Variants in TRPM2 observed in about 807,000 individuals in gnomAD.
The protein encoded by TRPM2 is estrogen-responsive element-associated gene 1 protein.
Under a neutral mutation model 174.0 loss-of-function variants are expected in TRPM2, and 161 were observed. That is an observed-to-expected ratio of 0.93 (90% confidence interval 0.81 to 1.05). TRPM2 has a LOEUF of 1.05. Ranked by LOEUF, TRPM2 falls within the 50% of genes least tolerant of loss-of-function variation. The pLI is 0.00. For missense variants in TRPM2, 2,057 were observed against 2,038.0 expected (o/e 1.01, Z -0.18); for synonymous variants, 954 against 861.3 (o/e 1.11, Z -1.88).
At chr21:44,419,144 G>T (rs1345113505) in intron 22 of TRPM2, among the ~76,000 whole-genome samples, 1 of 152,192 alleles carries the variant, frequency 6.6e-6, no homozygotes, top group East Asian at 1.9e-4. Context: ...AGGAAGGGCT[G>T]CCCCCAGTGT....
chr21:44,375,266 G>A (rs980402345), intron 5 of TRPM2, among the ~76,000 whole-genome samples: 4 of 152,218 alleles, frequency 2.6e-5, no homozygotes, highest in Admixed American at 6.5e-5. Context: ...ACGTTGAGAC[G>A]TTTTCCATTC....
At chr21:44,370,929 G>A (rs376816113) in intron 5 of TRPM2, among the ~76,000 whole-genome samples, 1 of 152,132 alleles carries the variant, frequency 6.6e-6, no homozygotes, top group Non-Finnish European at 1.5e-5. Flanking sequence ...GCTCAGCCAC[G>A]CTCCCTCTCT....
intron 9 of TRPM2, among the ~76,000 whole-genome samples, chr21:44,383,849 T>C (rs577345391): frequency 6.6e-6 from 1 of 152,140 alleles, no homozygotes; most frequent in Non-Finnish European, 1.5e-5. Context: ...TTATGGGACA[T>C]AGCAAAAACA....
chr21:44,364,339 G>C, intron 3 of TRPM2, 57 bp downstream of exon 3: 1 of 1,581,984 alleles, frequency 6.3e-7, no homozygotes, highest in Non-Finnish European at 8.6e-7. Context: ...GCCCCACAGT[G>C]ACACGCGGTG....
chr21:44,395,412 A>G lies in TRPM2; in HGVS notation c.1795-2A>G, dbSNP rs1464293257. The G allele has an allele frequency of 9.3e-6, 15 of 1,612,316 alleles. No homozygotes were observed. The Admixed American group carries it at 2.5e-4, about 27-fold the overall frequency. ...GGGCTCTGACAGTTCACTGCTCACCAGGTGCAGGGAGTGAGCCTCCGGTCC... is the reference window on the plus strand; with the variant it reads ...GGGCTCTGACAGTTCACTGCTCACCGGGTGCAGGGAGTGAGCCTCCGGTCC... On this transcript the variant is annotated splice_acceptor_variant, in intron 11 of 31. Coordinates refer to ENST00000397928, the MANE Select transcript of TRPM2 (RefSeq NM_003307.4). LOFTEE classifies it high-confidence loss of function.
intron 27 of TRPM2, among the ~76,000 whole-genome samples, chr21:44,433,329 T>G (rs966292333): frequency 1.3e-5 from 2 of 152,316 alleles, no homozygotes. Context: ...TCTTGACCAA[T>G]GCACTGCACT....
rs1424520079 is a variant in TRPM2 at position 44,396,928 on chromosome 21, G to A, written c.1933-819G>A. ...TGTGGAGGGGTGTGGAGGGGTGTGGGGGGTTGTGGAGGGCTGTGGAGGCTG... is the reference window on the plus strand; with the variant it reads ...TGTGGAGGGGTGTGGAGGGGTGTGGAGGGTTGTGGAGGGCTGTGGAGGCTG... On this transcript the variant is annotated intron_variant, in intron 12 of 31. Transcript: ENST00000397928. Among the ~76,000 whole-genome samples, 40 of 119,220 alleles carry A rather than the reference G, an allele frequency of 3.4e-4. 1 individual carries two copies. The highest frequency in any genetic ancestry group is 8.4e-4 in the South Asian group (3 of 3,552). The allele number at this position is 119,220 out of a possible 152,430, so 78.2% of individuals were successfully genotyped here. A position where few individuals can be genotyped will look rare whatever the true frequency, so the allele number is the denominator to read the frequency against.
Position 44,401,681 on chromosome 21 carries a change from G to A in TRPM2, c.2322G>A (p.Arg774=), listed in dbSNP as rs1346397164. ...CTCCTCTCTGCTGTGACGGCCGCAG[G>A]GAGAAGAGGCTGCAGGATGTGGGCA... is the stretch of plus-strand genomic sequence containing the variant. ...PLLLTGLISF[R]EKRLQDVGTP... is the part of the protein sequence containing the mutation. Residue 774 remains arginine, a splice_region_variant and synonymous_variant, in exon 16 of 32, where the codon AGG becomes AGA. Coordinates refer to ENST00000397928, the MANE Select transcript of TRPM2 (RefSeq NM_003307.4). 6.2e-6 allele frequency: 10 copies of A among 1,612,240 alleles called. No homozygotes were observed. In the African/African-American group the frequency reaches 1.1e-4, roughly 17 times the overall value.
rs562322400 is a variant in TRPM2 at position 44,417,790 on chromosome 21, G to A, written c.3147-137G>A. ...ACAGTGGGCATGTGGGTGTGGCTCT[G>A]CTCTCTGTGGCATCACAGTGGGCAT... On this transcript the variant is annotated intron_variant, in intron 20 of 31. Transcript: ENST00000397928. 4.5e-4 allele frequency: 397 copies of A among 877,184 alleles called. 7 individuals are homozygous for A. The East Asian group carries it at 6.1e-3, about 14-fold the overall frequency. 54.3% of individuals were successfully genotyped at this position (877,184 alleles called of 1,614,324 possible). A position where few individuals can be genotyped will look rare whatever the true frequency, so the allele number is the denominator to read the frequency against.
rs542954220 is a variant in TRPM2 at position 44,399,621 on chromosome 21, T to C, written c.2208+180T>C. 1.3e-5 allele frequency among the ~76,000 whole-genome samples: 2 copies of C among 152,166 alleles called. No individual in the cohort carries two copies. The highest frequency in any genetic ancestry group is 4.1e-4 in the South Asian group (2 of 4,826). ...AGGCTCTGGCCTCCCATTTTGCAGATGGGGGGAAGCTAACATGAAGCAAAA... is the reference window on the plus strand; with the variant it reads ...AGGCTCTGGCCTCCCATTTTGCAGACGGGGGGAAGCTAACATGAAGCAAAA... On this transcript the variant is annotated intron_variant, in intron 14 of 31. Transcript: ENST00000397928. This position sits in a 1 kb window ranked among gnomAD's most constrained non-coding sequence, Gnocchi z 4.6.
At chr21:44,369,914 G>A (rs1210886673) in intron 5 of TRPM2, among the ~76,000 whole-genome samples, 1 of 89,240 alleles carries the variant, frequency 1.1e-5, no homozygotes, top group African/African-American at 4.9e-5. Context: ...GGGGGCCGGG[G>A]TGTGGGTGAG....
intron 27 of TRPM2, among the ~76,000 whole-genome samples, chr21:44,429,907 G>A (rs1179594315): frequency 1.3e-5 from 2 of 152,052 alleles, no homozygotes; most frequent in Non-Finnish European, 2.9e-5. Context: ...CATTAAGTAT[G>A]GTATTTACTG....
At chr21:44,425,377 G>A (rs1601234717) in intron 24 of TRPM2, 1 of 422,842 alleles carries the variant, frequency 2.4e-6, no homozygotes, top group Non-Finnish European at 4.2e-6. Context: ...CCCTCAAGGA[G>A]CATATTTGCC....
Position 44,391,441 on chromosome 21 carries a change from AG to A in TRPM2, c.1611del (p.Lys538ArgfsTer65). ...TCCTGCCTGTTCCACAGCAAGCTGCAGAAGGTGCTGGTGGAGGATCCCGAGC... is the reference window on the plus strand; with the variant it reads ...TCCTGCCTGTTCCACAGCAAGCTGCAAAGGTGCTGGTGGAGGATCCCGAGC... ...DPSCLFHSKLQKVLVEDPERP... is the reference protein window; with the variant it reads ...DPSCLFHSKLXKVLVEDPERP... On this transcript the variant is annotated frameshift_variant, in exon 11 of 32. Coordinates refer to ENST00000397928, the MANE Select transcript of TRPM2 (RefSeq NM_003307.4). LOFTEE classifies it high-confidence loss of function. This position sits in a 1 kb window ranked among gnomAD's most constrained non-coding sequence, Gnocchi z 5.0. 1 of 1,613,960 alleles carries A rather than the reference AG, an allele frequency of 6.2e-7. No individual in the cohort carries two copies. The highest frequency in any genetic ancestry group is 8.5e-7 in the Non-Finnish European group (1 of 1,180,032).
intron 2 of TRPM2, among the ~76,000 whole-genome samples, chr21:44,355,060 C>T (rs2048016297): frequency 6.6e-6 from 1 of 152,044 alleles, no homozygotes; most frequent in Non-Finnish European, 1.5e-5. Context: ...CTCTCATTTC[C>T]ACACCTGCCC....
chr21:44,424,504 G>A (rs561775616), intron 23 of TRPM2, among the ~76,000 whole-genome samples: 1 of 152,362 alleles, frequency 6.6e-6, no homozygotes, highest in Non-Finnish European at 1.5e-5. Flanking sequence ...TTGGCGGCCT[G>A]TGACCTCTCC....
Position 44,376,026 on chromosome 21 carries a change from G to T in TRPM2, c.952+13G>T, listed in dbSNP as rs757141060. On this transcript the variant is annotated intron_variant, in intron 6 of 31. Coordinates refer to ENST00000397928, the MANE Select transcript of TRPM2 (RefSeq NM_003307.4). The surrounding 1 kb of genome is among the most constrained non-coding windows in gnomAD (Gnocchi z 4.2). Reference sequence around the variant, plus strand: ...AAGGAAAGAGGAGGTAGGGGAGCTTGCTTTCGAGGGTGATTGGGCAGAGAG... The same window carrying T: ...AAGGAAAGAGGAGGTAGGGGAGCTTTCTTTCGAGGGTGATTGGGCAGAGAG... 1 of 1,609,552 alleles carries T rather than the reference G, an allele frequency of 6.2e-7. No homozygotes were observed. The highest frequency in any genetic ancestry group is 2.2e-5 in the East Asian group (1 of 44,772).
chr21:44,403,774 T>C (rs578114935), intron 16 of TRPM2, among the ~76,000 whole-genome samples: 1 of 149,690 alleles, frequency 6.7e-6, no homozygotes, highest in African/African-American at 2.5e-5. Flanking sequence ...CACATATACA[T>C]GCATGCACAC....
At chr21:44,363,978 A>G (rs371785678) in intron 2 of TRPM2, 136 bp from the exon 3 acceptor site, 1 of 901,392 alleles carries the variant, frequency 1.1e-6, no homozygotes. Context: ...TGCCTCCCCC[A>G]TGGCTGGAAG....
Sources: gnomAD v4.1 joint callset for allele counts (sites outside exome capture counted in the v4.1 genomes callset) on GRCh38, gnomAD v4.1.1 for gene constraint, Gnocchi (gnomAD v3.1) non-coding constraint, MANE v1.5 for transcripts, NCBI Gene and HGNC (gene_info 2026-07-23, HGNC 2026-07-21) for gene names.